GTPBP4: variants seen among roughly 807,000 people sequenced by gnomAD.
GTPBP4 encodes GTP binding protein 4.
In GTPBP4, 15 loss-of-function variants were observed where a neutral mutation model predicts 81.7. The ratio of observed to expected loss-of-function variants is 0.18; its 90% CI spans 0.12 to 0.28. GTPBP4 has a LOEUF of 0.28. Among genes scored for constraint, GTPBP4 ranks in the 10% least tolerant of loss-of-function variants. The pLI is 1.00. For synonymous variants in GTPBP4, 272 were observed against 274.6 expected (o/e 0.99, Z 0.09); for missense variants, 847 against 793.8 (o/e 1.07, Z -0.81).
At position 1,015,886 on chromosome 10, in the gene GTPBP4, G is replaced by C. The variant is rs769838858; in HGVS notation, c.1742G>C (p.Arg581Thr). 2.5e-6 allele frequency: 4 copies of C among 1,612,194 alleles called. No individual in the cohort carries two copies. Among genetic ancestry groups the C allele is most frequent in the African/African-American group, 2.7e-5 (2 of 74,896 alleles). ...ACTCCACGTGACGTTTCTGGTCTTA[G>C]GGATGTCAAGGTCAGTCTCTGTGTT... is the stretch of plus-strand genomic sequence containing the variant. ...SRTPRDVSGL[R>T]DVKMVKKAKT... The change falls in exon 16 of 17, where the codon AGG becomes ACG. Residue 581 changes from arginine to threonine, a missense_variant. Around this residue, in one of 3 missense-constraint regions of GTPBP4, gnomAD observed 600 missense variants for 557.1 expected, o/e 1.08. Transcript: ENST00000360803.
At chr10:1,001,241 A>G (rs1027973054) in intron 8 of GTPBP4, among the ~76,000 whole-genome samples, 1 of 152,218 alleles carries the variant, frequency 6.6e-6, no homozygotes, top group Non-Finnish European at 1.5e-5. Context: ...GAGTGTGTGG[A>G]AGCATCTGTA....
chr10:988,507 A>G lies in GTPBP4; in HGVS notation c.28A>G (p.Thr10Ala), dbSNP rs1290573982. 2.5e-6 allele frequency: 4 copies of G among 1,613,068 alleles called. No individual in the cohort carries two copies. The South Asian group carries it at 3.3e-5, about 13-fold the overall frequency. ...GGCACATTACAACTTCAAGAAAATT[A>G]CGGTGGTGCCGTCCGCCAAGGTAGG... MAHYNFKKI[T>A]VVPSAKDFID... The change falls in exon 1 of 17, where the codon ACG becomes GCG. Residue 10 changes from threonine (T) to alanine (A), a missense_variant. By Grantham distance (58) the Thr-to-Ala change is moderately conservative. Coordinates refer to ENST00000360803, the MANE Select transcript of GTPBP4 (RefSeq NM_012341.3).
intron 14 of GTPBP4, among the ~76,000 whole-genome samples, chr10:1,013,151 C>G (rs1175718204): frequency 6.6e-6 from 1 of 151,828 alleles, no homozygotes; most frequent in African/African-American, 2.4e-5. Flanking sequence ...GCCTGGCTAA[C>G]TTTTGTATTT....
intron 2 of GTPBP4, among the ~76,000 whole-genome samples, chr10:994,119 C>T (rs935633068): frequency 3.3e-5 from 5 of 152,150 alleles, no homozygotes; most frequent in Admixed American, 6.6e-5. Context: ...TGCTAGAGGA[C>T]GGACACTTAG....
At chr10:1,009,799 A>G (rs1336213850) in intron 12 of GTPBP4, among the ~76,000 whole-genome samples, 1 of 152,224 alleles carries the variant, frequency 6.6e-6, no homozygotes, top group African/African-American at 2.4e-5. Context: ...GTTTGAGACC[A>G]ACCTGGGCAA....
chr10:1,007,086 G>T lies in GTPBP4; in HGVS notation c.1071G>T (p.Leu357=). 1 of 1,611,942 alleles carries T rather than the reference G, an allele frequency of 6.2e-7. No homozygotes were observed. Among genetic ancestry groups the T allele is most frequent in the Non-Finnish European group, 8.5e-7 (1 of 1,177,984 alleles). The change falls in exon 10 of 17, where the codon CTG becomes CTT. Residue 357 remains leucine, a synonymous_variant. Coordinates refer to ENST00000360803, the MANE Select transcript of GTPBP4 (RefSeq NM_012341.3). ...KMKGNKVNEV[L]NRLHLAIPTR... ...AGGGAAATAAAGTGAATGAGGTGCT[G>T]AATAGACTGCACCTGGCTATCCCAA...
intron 10 of GTPBP4, chr10:1,008,189 G>A (rs565051231): frequency 2.2e-6 from 1 of 452,684 alleles, no homozygotes; most frequent in East Asian, 7.0e-5. Context: ...GAGGCGGGTG[G>A]ATCACCTGAG....
chr10:1,017,176 C>G lies in GTPBP4; in HGVS notation c.1854C>G (p.Pro618=). 2 of 1,614,062 alleles carry G rather than the reference C, an allele frequency of 1.2e-6. No individual in the cohort carries two copies. The highest frequency in any genetic ancestry group is 1.7e-6 in the Non-Finnish European group (2 of 1,179,910). The change falls in exon 17 of 17, where the codon CCC becomes CCG. Residue 618 remains proline (P), a synonymous_variant. Coordinates refer to ENST00000360803, the MANE Select transcript of GTPBP4 (RefSeq NM_012341.3). ...ATAGACACGTGTTTGATATGAAGCC[C>G]AAGCACTTGCTGTCTGGGAAGAGGA... is the stretch of plus-strand genomic sequence containing the variant. ...EADRHVFDMK[P]KHLLSGKRKA...
chr10:1,006,011 T>C lies in GTPBP4; in HGVS notation c.1002+104T>C, dbSNP rs368626141. ...TTTTCTTTCTAGACATTGTTAACAC[T>C]TGGAGCCCTCGCAGTAGCGAGGCGG... On this transcript the variant is annotated intron_variant, in intron 9 of 16. Transcript: ENST00000360803. The C allele has an allele frequency of 6.0e-4, 412 of 682,564 alleles. 4 individuals carry two copies. The South Asian group carries it at 7.2e-3, about 12-fold the overall frequency. 42.3% of individuals were successfully genotyped at this position (682,564 alleles called of 1,614,324 possible). A position where few individuals can be genotyped will look rare whatever the true frequency, so the allele number is the denominator to read the frequency against.
At chr10:1,009,134 C>T (rs1831805110) in intron 11 of GTPBP4, 99 bp downstream of exon 11, 2 of 838,252 alleles carry the variant, frequency 2.4e-6, no homozygotes, top group Admixed American at 2.1e-5. Context: ...GCCGCGGGTG[C>T]CCAGACACTG....
intron 6 of GTPBP4, 130 bp from the exon 7 acceptor site, chr10:1,000,547 T>A (rs1038815113): frequency 1.5e-4 from 73 of 476,824 alleles, no homozygotes; most frequent in Non-Finnish European, 2.4e-4. Flanking sequence ...CTACTTTTTT[T>A]TTTTTTTAAC....
At chr10:1,006,923 C>T (rs1022280064) in intron 9 of GTPBP4, 95 bp from the exon 10 acceptor site, 5 of 765,676 alleles carry the variant, frequency 6.5e-6, no homozygotes, top group African/African-American at 1.7e-5. Flanking sequence ...AGGGAAAAGG[C>T]TCAGTGGCTC....
chr10:1,006,308 A>G (rs1831730489), intron 9 of GTPBP4, among the ~76,000 whole-genome samples: 1 of 152,242 alleles, frequency 6.6e-6, no homozygotes, highest in Non-Finnish European at 1.5e-5. Context: ...TGCTGTCCTA[A>G]TTACTTTGTA....
At chr10:992,950 C>A (rs1201937293) in intron 2 of GTPBP4, among the ~76,000 whole-genome samples, 11 of 152,202 alleles carry the variant, frequency 7.2e-5, no homozygotes, top group South Asian at 2.1e-4. Context: ...CAGGTGCCAA[C>A]CCAAGTGTTA....
At chr10:1,005,177 G>A (rs552613396) in intron 8 of GTPBP4, among the ~76,000 whole-genome samples, 3 of 152,216 alleles carry the variant, frequency 2.0e-5, no homozygotes, top group African/African-American at 7.2e-5. Context: ...ACGGAGTCTC[G>A]CTCTGTCCCC....
intron 13 of GTPBP4, among the ~76,000 whole-genome samples, chr10:1,011,801 G>A (rs1025107772): frequency 3.9e-4 from 60 of 152,156 alleles, no homozygotes; most frequent in African/African-American, 1.4e-3. Flanking sequence ...CACTGTCCCC[G>A]CGGTGGCCGC....
At chr10:1,005,994 C>A in intron 9 of GTPBP4, 87 bp downstream of exon 9, 1 of 759,716 alleles carries the variant, frequency 1.3e-6, no homozygotes, top group Non-Finnish European at 2.2e-6. Flanking sequence ...AGTTTTCTTT[C>A]TAGACATTGT....
rs200485614 is a variant in GTPBP4, at chr10:1,007,127, A to C, written c.1112A>C (p.Lys371Thr). Residue 371 changes from lysine to threonine, a missense_variant and splice_region_variant, in exon 10 of 17, where the codon AAG becomes ACG. This residue lies in a region of GTPBP4 where 600 missense variants were observed against 557.1 expected (regional missense o/e 1.08). Coordinates refer to ENST00000360803, the MANE Select transcript of GTPBP4 (RefSeq NM_012341.3). ...HLAIPTRRDD[K>T]ERPPFIPEGV... ...GCTATCCCAACCAGGAGGGACGATA[A>C]GGTAAGACGGCCCCTGGGACAGCCG... is the stretch of plus-strand genomic sequence containing the variant. 124 of 1,537,822 alleles carry C rather than the reference A, an allele frequency of 8.1e-5. No individual in the cohort carries two copies. The highest frequency in any genetic ancestry group is 1.1e-4 in the Non-Finnish European group (119 of 1,110,290).
At chr10:1,001,868 G>A (rs566199211) in intron 8 of GTPBP4, among the ~76,000 whole-genome samples, 7 of 151,690 alleles carry the variant, frequency 4.6e-5, no homozygotes, top group East Asian at 1.9e-4. Flanking sequence ...TTTATGCAGC[G>A]GTTGGATGAC....
Sources: gnomAD v4.1 joint callset for allele counts (sites outside exome capture counted in the v4.1 genomes callset) on GRCh38, gnomAD v4.1.1 for gene constraint, gnomAD v4.1.1 regional missense constraint, MANE v1.5 for transcripts, NCBI Gene and HGNC (gene_info 2026-07-23, HGNC 2026-07-21) for gene names.